The following CDC42SE2 variants were observed in gnomAD, a reference collection of about 807,000 sequenced individuals.
CDC42SE2 encodes CDC42 small effector 2.
Under a neutral mutation model 11.5 loss-of-function variants are expected in CDC42SE2, and 3 were observed. The observed-to-expected ratio is 0.26, with a 90% CI of 0.12 to 0.67. CDC42SE2 has a LOEUF of 0.67. CDC42SE2 is among the 30% of genes least tolerant of loss of function. The pLI, the probability that CDC42SE2 is intolerant of heterozygous loss-of-function variation, is 0.80. For synonymous variants in CDC42SE2, 33 were observed against 34.8 expected (o/e 0.95, Z 0.18); for missense variants, 82 against 106.8 (o/e 0.77, Z 1.02).
chr5:131,236,502 C>T, the CDC42SE2 span, among the ~76,000 whole-genome samples: 1 of 152,106 alleles, frequency 6.6e-6, no homozygotes, highest in African/African-American at 2.4e-5. Flanking sequence ...TCTTGGCTCA[C>T]TGCAGTCTCC....
chr5:131,241,724 C>G (rs1411250080), upstream of CDC42SE2, among the ~76,000 whole-genome samples: 3 of 151,972 alleles, frequency 2.0e-5, no homozygotes, highest in African/African-American at 7.2e-5. Flanking sequence ...TTCATATACA[C>G]AAACACTCAA....
chr5:131,212,877 C>A, the CDC42SE2 span, among the ~76,000 whole-genome samples: 1 of 152,094 alleles, frequency 6.6e-6, no homozygotes, highest in South Asian at 2.1e-4. Flanking sequence ...CCATGATAGA[C>A]CAGCACATTG....
intron 1 of CDC42SE2, among the ~76,000 whole-genome samples, chr5:131,264,501 T>C (rs573446470): frequency 6.6e-4 from 71 of 108,328 alleles, no homozygotes; most frequent in Admixed American, 2.1e-3. Flanking sequence ...ACCCCCCCCC[T>C]CCCCCCAACT....
At chr5:131,264,759 T>A (rs1756821081) in intron 1 of CDC42SE2, among the ~76,000 whole-genome samples, 2 of 152,218 alleles carry the variant, frequency 1.3e-5, no homozygotes, top group Non-Finnish European at 2.9e-5. Flanking sequence ...TGCTTGCAGC[T>A]TTAAGTTGCG....
At chr5:131,316,527 A>G (rs1758042529) in intron 2 of CDC42SE2, among the ~76,000 whole-genome samples, 1 of 152,216 alleles carries the variant, frequency 6.6e-6, no homozygotes, top group Non-Finnish European at 1.5e-5. Flanking sequence ...TGTTTTAGGA[A>G]TGGACATGAG....
At chr5:131,308,883 A>G (rs1263378152) in intron 1 of CDC42SE2, among the ~76,000 whole-genome samples, 5 of 152,216 alleles carry the variant, frequency 3.3e-5, no homozygotes, top group African/African-American at 1.2e-4. Context: ...CAATCATGTC[A>G]TCTGCAAACA....
intron 3 of CDC42SE2, among the ~76,000 whole-genome samples, chr5:131,363,695 C>CT (rs34261669): frequency 0.037 from 4,353 of 117,328 alleles, 352 homozygotes; most frequent in African/African-American, 0.11. Flanking sequence ...TTCTCTTACT[C>CT]TTTTTTTTTT....
chr5:131,322,766 G>T (rs1407970232), intron 2 of CDC42SE2, among the ~76,000 whole-genome samples: 1 of 152,076 alleles, frequency 6.6e-6, no homozygotes, highest in Non-Finnish European at 1.5e-5. Context: ...AATGTGGGTG[G>T]GCAAATATGT....
chr5:131,367,758 A>G (rs565555200), intron 3 of CDC42SE2, among the ~76,000 whole-genome samples: 1 of 152,216 alleles, frequency 6.6e-6, no homozygotes, highest in Non-Finnish European at 1.5e-5. Context: ...TTAACAAAGT[A>G]CCTTTTTTGG....
chr5:131,340,326 A>G (rs1372890799), intron 2 of CDC42SE2, among the ~76,000 whole-genome samples: 1 of 152,182 alleles, frequency 6.6e-6, no homozygotes, highest in Admixed American at 6.5e-5. Context: ...CTCATCTGGA[A>G]CATGTATCAT....
chr5:131,349,907 T>C (rs1758959941), intron 2 of CDC42SE2, among the ~76,000 whole-genome samples: 1 of 152,208 alleles, frequency 6.6e-6, no homozygotes, highest in South Asian at 2.1e-4. Context: ...CTTAATCTTT[T>C]TGCTTTTTTC....
chr5:131,361,069 GTTTGTT>G (rs1749691431), intron 3 of CDC42SE2, among the ~76,000 whole-genome samples: 1 of 133,014 alleles, frequency 7.5e-6, no homozygotes, highest in African/African-American at 2.8e-5. Flanking sequence ...GAGTTTGTTT[GTTTGTT>G]TTTTTTTTTG....
intron 1 of CDC42SE2, among the ~76,000 whole-genome samples, chr5:131,307,653 CA>C (rs1174468368): frequency 2.0e-5 from 3 of 152,144 alleles, no homozygotes; most frequent in African/African-American, 7.2e-5. Context: ...CTGACTTCCA[CA>C]ATGGTTGAAC....
intron 1 of CDC42SE2, among the ~76,000 whole-genome samples, chr5:131,249,884 A>G (rs1442060498): frequency 1.5e-4 from 23 of 150,780 alleles, no homozygotes. Context: ...TGCTGTCTCT[A>G]AAAAAAAAGA....
chr5:131,252,517 C>T (rs1237735376), intron 1 of CDC42SE2, among the ~76,000 whole-genome samples: 1 of 152,048 alleles, frequency 6.6e-6, no homozygotes, highest in East Asian at 1.9e-4. Context: ...ATTAGCCGGG[C>T]GTGGTGGCGT....
Position 131,392,694 on chromosome 5 carries a change from C to CCAAT in CDC42SE2, c.*1605_*1608dup, listed in dbSNP as rs1750698501. On this transcript the variant is annotated 3_prime_UTR_variant, in exon 5 of 5. Coordinates refer to ENST00000505065, the MANE Select transcript of CDC42SE2 (RefSeq NM_001375635.1). The stretch of plus-strand genomic sequence containing the variant: ...TGTTGCGGTCATACTCTCCTCCAGT[C>CCAAT]CAATCCTGAGCATCTTCATCTTATT... 6.6e-6 allele frequency: 1 copy of CCAAT among 152,352 alleles called. No individual in the cohort carries two copies. Among genetic ancestry groups the CCAAT allele is most frequent in the South Asian group, 2.1e-4 (1 of 4,830 alleles). 9.4% of individuals were successfully genotyped at this position (152,352 alleles called of 1,614,324 possible).
chr5:131,370,370 G>T (rs1415879443), intron 3 of CDC42SE2, among the ~76,000 whole-genome samples: 4 of 152,028 alleles, frequency 2.6e-5, no homozygotes, highest in African/African-American at 9.7e-5. Context: ...ATGCCCATTG[G>T]AAAATATCAT....
chr5:131,216,388 G>A, the CDC42SE2 span, among the ~76,000 whole-genome samples: 2 of 151,152 alleles, frequency 1.3e-5, no homozygotes, highest in Non-Finnish European at 2.9e-5. Flanking sequence ...TGTAGTCCCA[G>A]ATACTTGGGA....
At chr5:131,337,651 C>T (rs1274226873) in intron 2 of CDC42SE2, among the ~76,000 whole-genome samples, 1 of 152,204 alleles carries the variant, frequency 6.6e-6, no homozygotes, top group Non-Finnish European at 1.5e-5. Context: ...TGTTTACCTA[C>T]TCAAGCCTGA....
Sources: allele counts gnomAD v4.1 joint callset (sites outside exome capture counted in the v4.1 genomes callset), GRCh38; gene constraint gnomAD v4.1.1; transcripts MANE v1.5; gene names NCBI Gene and HGNC (gene_info 2026-07-23, HGNC 2026-07-21).